Variants in UIMC1 observed in about 807,000 individuals in gnomAD.
The protein encoded by UIMC1 is ubiquitin interaction motif containing 1.
A neutral mutation model predicts 84.9 loss-of-function variants in UIMC1; 42 were observed. That is an observed-to-expected ratio of 0.49 (90% CI 0.39 to 0.64). The LOEUF is 0.64. Among genes scored for constraint, UIMC1 ranks in the 30% least tolerant of loss-of-function variants. The pLI is 0.00. For missense variants in UIMC1, 825 were observed against 847.6 expected, an observed-to-expected ratio of 0.97 and a Z score of 0.33; for synonymous variants, 281 against 293.0, an observed-to-expected ratio of 0.96 and a Z score of 0.42.
intron 10 of UIMC1, among the ~76,000 whole-genome samples, chr5:176,922,729 C>A (rs2149408055): frequency 6.6e-6 from 1 of 152,278 alleles, no homozygotes; most frequent in East Asian, 1.9e-4. Flanking sequence ...AACTTTAATT[C>A]ATGGGTCAGA....
intron 3 of UIMC1, among the ~76,000 whole-genome samples, chr5:176,971,235 G>T (rs930274932): frequency 1.3e-5 from 2 of 152,162 alleles, no homozygotes; most frequent in South Asian, 4.1e-4. Flanking sequence ...GCTAAATACC[G>T]CAACGCTTTA....
At chr5:176,971,993 T>G (rs61006053) in intron 3 of UIMC1, among the ~76,000 whole-genome samples, 20,098 of 152,274 alleles carry the variant, frequency 0.13, 1,681 homozygotes, top group East Asian at 0.2. Context: ...TGTTGAAGAA[T>G]GTCAGTGAAT....
chr5:177,001,430 T>G (rs1485381943), intron 1 of UIMC1: 1 of 152,204 alleles, frequency 6.6e-6, no homozygotes, highest in African/African-American at 2.4e-5. Flanking sequence ...GCCCACAGGT[T>G]GGAAGCTTCA....
upstream of UIMC1, among the ~76,000 whole-genome samples, chr5:177,007,909 A>G (rs1321406829): frequency 2.0e-5 from 3 of 152,186 alleles, no homozygotes; most frequent in African/African-American, 7.2e-5. Context: ...GTTAGAGACT[A>G]GCCTGACCAA....
chr5:176,944,361 TGC>T (rs1764823237), intron 9 of UIMC1, among the ~76,000 whole-genome samples: 1 of 151,422 alleles, frequency 6.6e-6, no homozygotes, highest in African/African-American at 2.5e-5. Context: ...CTCCTACAGT[TGC>T]TGGTATCTCT....
At chr5:176,989,477 T>C (rs1772488911) in intron 1 of UIMC1, among the ~76,000 whole-genome samples, 1 of 152,004 alleles carries the variant, frequency 6.6e-6, no homozygotes, top group Non-Finnish European at 1.5e-5. Context: ...CTGGACAACA[T>C]GGTGAAACCC....
At chr5:176,972,228 G>A (rs753566246) in intron 3 of UIMC1, among the ~76,000 whole-genome samples, 9 of 150,148 alleles carry the variant, frequency 6.0e-5, no homozygotes, top group Non-Finnish European at 1.0e-4. Context: ...GTGAAACCCC[G>A]TCTCTACTAA....
chr5:176,958,206 T>C, intron 6 of UIMC1, 52 bp from the exon 7 acceptor site: 1 of 1,485,346 alleles, frequency 6.7e-7, no homozygotes. Flanking sequence ...TGAACTGGCT[T>C]CTCTTCCTTT....
intron 13 of UIMC1, among the ~76,000 whole-genome samples, 170 bp downstream of exon 13, chr5:176,906,944 T>C (rs1470035190): frequency 3.3e-5 from 5 of 152,228 alleles, no homozygotes; most frequent in Non-Finnish European, 5.9e-5. Flanking sequence ...AGACAGCATA[T>C]TGCCCCAACT....
chr5:176,949,058 G>C (rs947638541), intron 9 of UIMC1, among the ~76,000 whole-genome samples: 1 of 150,910 alleles, frequency 6.6e-6, no homozygotes, highest in Non-Finnish European at 1.5e-5. Context: ...GTGTAATCTT[G>C]GTCTAGTAGT....
chr5:176,971,965 CAT>C (rs759539792), intron 3 of UIMC1, among the ~76,000 whole-genome samples: 4 of 152,162 alleles, frequency 2.6e-5, no homozygotes, highest in Non-Finnish European at 5.9e-5. Flanking sequence ...TTTAAAAATA[CAT>C]AGACTAACCA....
upstream of UIMC1, among the ~76,000 whole-genome samples, chr5:177,011,718 T>C (rs1408034350): frequency 1.3e-5 from 2 of 152,060 alleles, no homozygotes; most frequent in East Asian, 1.9e-4. Flanking sequence ...AAAAGAGTTC[T>C]GGAGATGTGT....
At chr5:177,020,597 A>C (rs1342767246) in intron 1 of UIMC1, among the ~76,000 whole-genome samples, 2 of 151,936 alleles carry the variant, frequency 1.3e-5, no homozygotes, top group Non-Finnish European at 1.5e-5. Flanking sequence ...CGCCCGGCTA[A>C]TTTTTTTGTA....
At chr5:176,914,191 T>C (rs1369962092) in intron 10 of UIMC1, among the ~76,000 whole-genome samples, 1 of 152,072 alleles carries the variant, frequency 6.6e-6, no homozygotes, top group Non-Finnish European at 1.5e-5. Flanking sequence ...CAGGATTTTG[T>C]ATTTGTTCCT....
intron 10 of UIMC1, among the ~76,000 whole-genome samples, chr5:176,936,840 G>A (rs1763769334): frequency 6.6e-6 from 1 of 152,068 alleles, no homozygotes; most frequent in African/African-American, 2.4e-5. Context: ...GCTACCTCCT[G>A]AGACCTCGGT....
At chr5:176,991,825 G>A (rs908760417) in intron 1 of UIMC1, among the ~76,000 whole-genome samples, 52 of 151,886 alleles carry the variant, frequency 3.4e-4, no homozygotes, top group African/African-American at 1.2e-3. Flanking sequence ...CCATCTACTC[G>A]GGAGGCTGAG....
At chr5:177,001,567 T>C (rs779205543) in intron 1 of UIMC1, 3 of 152,124 alleles carry the variant, frequency 2.0e-5, no homozygotes, top group Non-Finnish European at 4.4e-5. Flanking sequence ...CTAAGACTTT[T>C]AGTAGACATA....
intron 10 of UIMC1, among the ~76,000 whole-genome samples, chr5:176,935,357 T>C (rs1763600515): frequency 6.6e-6 from 1 of 152,202 alleles, no homozygotes; most frequent in Non-Finnish European, 1.5e-5. Context: ...CTAATTGTAT[T>C]TCCTCTGAAA....
At chr5:176,915,051 G>A (rs983267824) in intron 10 of UIMC1, among the ~76,000 whole-genome samples, 3 of 151,934 alleles carry the variant, frequency 2.0e-5, no homozygotes, top group South Asian at 2.1e-4. Context: ...TGACTATCAC[G>A]TATTTTTCCA....
Sources: gnomAD v4.1 joint callset for allele counts (sites outside exome capture counted in the v4.1 genomes callset) on GRCh38, gnomAD v4.1.1 for gene constraint, MANE v1.5 for transcripts, NCBI Gene and HGNC (gene_info 2026-07-23, HGNC 2026-07-21) for gene names.